The following RASA2 variants were observed in gnomAD, a reference collection of about 807,000 sequenced individuals.
The protein encoded by RASA2 is RAS p21 protein activator 2.
Under a neutral mutation model 118.2 loss-of-function variants are expected in RASA2, and 155 were observed. The ratio of observed to expected loss-of-function variants is 1.31; its 90% confidence interval spans 1.15 to 1.50. The LOEUF (loss-of-function observed/expected upper bound fraction) is 1.50. Ranked by LOEUF, RASA2 falls within the 40% of genes most tolerant of loss-of-function variation. The pLI is 0.00. For missense variants in RASA2, 1,016 were observed against 1,009.6 expected, an observed-to-expected ratio of 1.01 and a Z score of -0.09; for synonymous variants, 353 against 349.1, an observed-to-expected ratio of 1.01 and a Z score of -0.12.
intron 8 of RASA2, 138 bp from the exon 9 acceptor site, chr3:141,559,756 T>C: frequency 1.6e-6 from 1 of 629,996 alleles, no homozygotes; most frequent in Non-Finnish European, 2.8e-6. Context: ...TAGTGAGGTA[T>C]GTATATGGTG....
At chr3:141,540,383 G>T in intron 4 of RASA2, 150 bp from the exon 5 acceptor site, 2 of 480,832 alleles carry the variant, frequency 4.2e-6, no homozygotes, top group Non-Finnish European at 3.6e-6. Context: ...TCTGGTTTTG[G>T]TTATTATTCA....
rs879440387 is a variant in RASA2, at chr3:141,607,884, A to G, written c.2016+124A>G. 28 of 1,143,358 alleles carry G rather than the reference A, an allele frequency of 2.4e-5. No homozygotes were observed. In the East Asian group the frequency reaches 7.4e-4, roughly 30 times the overall value. 70.8% of individuals were successfully genotyped at this position (1,143,358 alleles called of 1,614,324 possible). On this transcript the variant is annotated intron_variant, in intron 20 of 23. Transcript: ENST00000286364. ...CCTATTACTTAGATATTTGTATTCA[A>G]ATTTTCAAGAAGTTGTTTATTGGAT...
intron 5 of RASA2, among the ~76,000 whole-genome samples, chr3:141,551,916 T>C (rs2082580898): frequency 6.6e-6 from 1 of 152,224 alleles, no homozygotes; most frequent in Non-Finnish European, 1.5e-5. Context: ...ACATTTGTTT[T>C]CTGCCCATCC....
At chr3:141,572,876 A>G (rs1330608816) in intron 12 of RASA2, among the ~76,000 whole-genome samples, 153 bp downstream of exon 12, 1 of 152,190 alleles carries the variant, frequency 6.6e-6, no homozygotes, top group African/African-American at 2.4e-5. Flanking sequence ...TTCTCTGTCA[A>G]TGGATTTTTA....
Position 141,609,423 on chromosome 3 carries a change from T to C in RASA2, c.2229T>C (p.Gly743=). Residue 743 remains glycine, a synonymous_variant, in exon 22 of 24, where the codon GGT becomes GGC. Coordinates refer to ENST00000286364, the MANE Select transcript of RASA2 (RefSeq NM_006506.5). ...TATTTTTTTATTTTTACCATAGAGG[T>C]GTCCCTGCAGACATCCAAATAGATA... ...NTLGCKPCTA[G]VPADIQIDID... 1 of 1,540,980 alleles carries C rather than the reference T, an allele frequency of 6.5e-7. No homozygotes were observed. Among genetic ancestry groups the C allele is most frequent in the Non-Finnish European group, 8.8e-7 (1 of 1,134,592 alleles).
chr3:141,531,788 G>A (rs2082264534), intron 4 of RASA2, among the ~76,000 whole-genome samples: 2 of 151,982 alleles, frequency 1.3e-5, no homozygotes, highest in South Asian at 4.1e-4. Context: ...TGGGGTGGAA[G>A]AGACATATAA....
At chr3:141,595,855 C>G (rs1223447974) in intron 19 of RASA2, among the ~76,000 whole-genome samples, 1 of 152,106 alleles carries the variant, frequency 6.6e-6, no homozygotes, top group African/African-American at 2.4e-5. Context: ...TCTCAAACTC[C>G]TGGACCCAAG....
chr3:141,497,555 A>T (rs1273489355), intron 1 of RASA2, among the ~76,000 whole-genome samples: 1 of 150,664 alleles, frequency 6.6e-6, no homozygotes, highest in Non-Finnish European at 1.5e-5. Context: ...GAAGAAATAA[A>T]GTCAACTTTT....
intron 2 of RASA2, 57 bp downstream of exon 2, chr3:141,512,337 T>C: frequency 8.4e-7 from 1 of 1,197,354 alleles, no homozygotes; most frequent in Admixed American, 2.4e-5. Context: ...GTAAATATTA[T>C]GCATTTTCCA....
intron 19 of RASA2, among the ~76,000 whole-genome samples, chr3:141,592,421 A>C (rs1242613020): frequency 6.6e-6 from 1 of 152,230 alleles, no homozygotes; most frequent in African/African-American, 2.4e-5. Context: ...GATCAAAAAG[A>C]TCATAGAAGT....
intron 1 of RASA2, among the ~76,000 whole-genome samples, chr3:141,502,461 C>T (rs575804588): frequency 2.6e-5 from 4 of 152,170 alleles, no homozygotes; most frequent in Middle Eastern, 3.4e-3. Context: ...AATCTTTTCC[C>T]TCTCATTCCC....
chr3:141,533,751 A>G (rs2082290305), intron 4 of RASA2, among the ~76,000 whole-genome samples: 1 of 151,408 alleles, frequency 6.6e-6, no homozygotes, highest in African/African-American at 2.4e-5. Flanking sequence ...TTTTTTTTGT[A>G]TTTAGATTTT....
At chr3:141,554,308 T>G (rs964782829) in intron 6 of RASA2, among the ~76,000 whole-genome samples, 3 of 152,190 alleles carry the variant, frequency 2.0e-5, no homozygotes, top group Non-Finnish European at 4.4e-5. Context: ...GAATGCCAGT[T>G]CAGAATAACA....
At chr3:141,601,710 A>AT (rs2083466887) in intron 19 of RASA2, among the ~76,000 whole-genome samples, 1 of 151,914 alleles carries the variant, frequency 6.6e-6, no homozygotes, top group Admixed American at 6.6e-5. Flanking sequence ...GGTTTGTTGA[A>AT]TTTTTTGAAC....
chr3:141,506,921 AAAAAAAAAAAAG>A, intron 1 of RASA2, among the ~76,000 whole-genome samples: 1 of 151,852 alleles, frequency 6.6e-6, no homozygotes, highest in South Asian at 2.1e-4. Flanking sequence ...GTCTCAAAAA[AAAAAAAAAAAAG>A]AAAAAGAAAA....
chr3:141,589,434 C>G (rs1049268468), intron 19 of RASA2, among the ~76,000 whole-genome samples: 1 of 152,126 alleles, frequency 6.6e-6, no homozygotes, highest in Non-Finnish European at 1.5e-5. Context: ...ACTGTACCTA[C>G]AAACATAGAC....
intron 4 of RASA2, among the ~76,000 whole-genome samples, chr3:141,530,870 AGAAGCAATGT>A (rs1473293279): frequency 3.3e-5 from 5 of 152,246 alleles, no homozygotes; most frequent in African/African-American, 1.2e-4. Flanking sequence ...GATCCATGTG[AGAAGCAATGT>A]GAAGAAGTGG....
At chr3:141,571,365 T>A (rs1278493369) in intron 10 of RASA2, 41 bp from the exon 11 acceptor site, 1 of 1,590,480 alleles carries the variant, frequency 6.3e-7, no homozygotes, top group Non-Finnish European at 8.6e-7. Context: ...TAATCATGTT[T>A]CCTTGATGTT....
chr3:141,573,138 AT>A lies in RASA2; in HGVS notation c.1285-4del, dbSNP rs1560042428. 1.3e-5 allele frequency: 20 copies of A among 1,552,792 alleles called. 1 individual carries two copies. The South Asian group carries it at 2.5e-4, about 19-fold the overall frequency. ...AAAAAAATCATTAACTGAAAAATTT[AT>A]TTTTCAGATATGTGACTCCTCAAAA... On this transcript the variant is annotated splice_region_variant and splice_polypyrimidine_tract_variant and intron_variant, in intron 12 of 23. Transcript: ENST00000286364.
Sources: allele counts gnomAD v4.1 joint callset (sites outside exome capture counted in the v4.1 genomes callset), GRCh38; gene constraint gnomAD v4.1.1; transcripts MANE v1.5; gene names NCBI Gene and HGNC (gene_info 2026-07-23, HGNC 2026-07-21).